The following SNORC variants were observed in gnomAD, a reference collection of about 807,000 sequenced individuals.
SNORC encodes the protein secondary ossification center associated regulator of chondrocyte maturation.
Under a neutral mutation model 9.7 loss-of-function variants are expected in SNORC, and 11 were observed. The ratio of observed to expected loss-of-function variants is 1.14; its 90% CI spans 0.72 to 1.88. The LOEUF (loss-of-function observed/expected upper bound fraction) is 1.88, where lower values mean the gene tolerates loss of function less well. Among genes scored for constraint, SNORC ranks in the 40% most tolerant of loss-of-function variants. SNORC has a pLI of 0.00. For synonymous variants in SNORC, 108 were observed against 88.7 expected (o/e 1.22, Z -1.22); for missense variants, 197 against 173.1 (o/e 1.14, Z -0.77).
At chr2:232,870,483 A>T (rs1422703186) in intron 1 of SNORC, 69 bp downstream of exon 1, 10 of 1,427,666 alleles carry the variant, frequency 7.0e-6, no homozygotes, top group Admixed American at 2.0e-5. Flanking sequence ...TTGGGGCCAG[A>T]TTCTTCAACG....
At chr2:232,871,072 C>T (rs925821853) in intron 1 of SNORC, among the ~76,000 whole-genome samples, 5 of 152,288 alleles carry the variant, frequency 3.3e-5, no homozygotes, top group Middle Eastern at 3.4e-3. Flanking sequence ...AGACAAAGGG[C>T]GCAGACGGGT....
In SNORC at chr2:232,875,952, A is replaced by G. The variant is rs1178584008; in HGVS notation, c.86A>G (p.Gln29Arg). ...CTTGGCTTTGCAGACGATGTTCCACAGGAGCCCGTGCCCACGCTGTGGAAC... is the reference window on the plus strand; with the variant it reads ...CTTGGCTTTGCAGACGATGTTCCACGGGAGCCCGTGCCCACGCTGTGGAAC... The change falls in exon 2 of 3, where the codon CAG (glutamine) becomes CGG (arginine). Residue 29 changes from glutamine (Q) to arginine (R), a missense_variant. Coordinates refer to ENST00000331342, the Ensembl canonical transcript of SNORC. The G allele has an allele frequency of 7.1e-6, 11 of 1,553,172 alleles. No homozygotes were observed. The South Asian group carries it at 1.1e-4, about 15-fold the overall frequency.
chr2:232,876,649 C>T (rs906101910), downstream of SNORC: 2 of 1,020,520 alleles, frequency 2.0e-6, no homozygotes, highest in African/African-American at 1.7e-5. The surrounding 1 kb of genome is among the most constrained non-coding windows in gnomAD (Gnocchi z 6.8). Context: ...CCGCGCGGCT[C>T]GGCGTCCCCG....
At chr2:232,873,548 T>C (rs1329152463) in intron 1 of SNORC, among the ~76,000 whole-genome samples, 1 of 152,182 alleles carries the variant, frequency 6.6e-6, no homozygotes, top group Non-Finnish European at 1.5e-5. Context: ...CTGGGCCTGG[T>C]ACCCAGAAGC....
At chr2:232,874,425 A>G (rs1319337463) in intron 1 of SNORC, among the ~76,000 whole-genome samples, 1 of 152,228 alleles carries the variant, frequency 6.6e-6, no homozygotes, top group Non-Finnish European at 1.5e-5. Flanking sequence ...CTCCGATCAC[A>G]GGCCTGTCCC....
chr2:232,870,299 C>A lies in SNORC; in HGVS notation c.-43C>A, dbSNP rs542263903. 5.2e-6 allele frequency: 8 copies of A among 1,533,336 alleles called. 1 individual carries two copies. In the South Asian group the frequency reaches 9.6e-5, roughly 18 times the overall value. 95.0% of individuals were successfully genotyped at this position (1,533,336 alleles called of 1,614,324 possible). ...CTGCCCTGAAGTTAACCAGCGCAGT[C>A]CTCCGTGCGTCCCGCCCGCCGCTGC... On this transcript the variant is annotated 5_prime_UTR_variant, in exon 1 of 3. Coordinates refer to ENST00000331342, the Ensembl canonical transcript of SNORC.
intron 1 of SNORC, among the ~76,000 whole-genome samples, chr2:232,871,470 G>A (rs577468347): frequency 6.6e-6 from 1 of 152,282 alleles, no homozygotes; most frequent in Non-Finnish European, 1.5e-5. Context: ...CACTTGCAGG[G>A]GTCTGTGAGG....
chr2:232,870,547 T>G, intron 1 of SNORC, 133 bp downstream of exon 1: 1 of 878,728 alleles, frequency 1.1e-6, no homozygotes, highest in South Asian at 1.7e-5. Context: ...TTGGGGTGAT[T>G]CTGCGAAGAG....
downstream of SNORC, chr2:232,877,069 A>G: frequency 1.0e-6 from 1 of 985,844 alleles, no homozygotes; most frequent in Non-Finnish European, 1.2e-6. Flanking sequence ...TCCTGCAGCC[A>G]GGGCCCCATC....
chr2:232,876,574 C>T (rs898513765), downstream of SNORC: 1 of 1,153,108 alleles, frequency 8.7e-7, no homozygotes, highest in Non-Finnish European at 1.1e-6. The surrounding 1 kb of genome is among the most constrained non-coding windows in gnomAD (Gnocchi z 6.8). Flanking sequence ...GGCGCCGGGG[C>T]GTGCGTGAGC....
At chr2:232,872,956 C>T (rs1327094482) in intron 1 of SNORC, among the ~76,000 whole-genome samples, 1 of 152,222 alleles carries the variant, frequency 6.6e-6, no homozygotes, top group Admixed American at 6.5e-5. Flanking sequence ...ATGTGTCTGC[C>T]ACTTGGGCAC....
chr2:232,872,690 C>T (rs747520478), intron 1 of SNORC, among the ~76,000 whole-genome samples: 1 of 152,212 alleles, frequency 6.6e-6, no homozygotes, highest in Non-Finnish European at 1.5e-5. Flanking sequence ...TGAGTTCCGT[C>T]CTCCACACCT....
downstream of SNORC, chr2:232,876,880 C>T: frequency 1.0e-6 from 1 of 985,490 alleles, no homozygotes; most frequent in Non-Finnish European, 1.2e-6. The surrounding 1 kb of genome is among the most constrained non-coding windows in gnomAD (Gnocchi z 6.8). Context: ...CCGGGGCCTG[C>T]CTCCCATCCC....
chr2:232,868,314 C>T (rs1341946129), upstream of SNORC, among the ~76,000 whole-genome samples: 1 of 152,124 alleles, frequency 6.6e-6, no homozygotes, highest in African/African-American at 2.4e-5. Flanking sequence ...TCAGGCTGGT[C>T]TTGAACTCCT....
upstream of SNORC, among the ~76,000 whole-genome samples, chr2:232,867,090 G>T (rs539566585): frequency 7.9e-5 from 12 of 152,124 alleles, no homozygotes; most frequent in East Asian, 2.3e-3. Flanking sequence ...ACAGTGCCCA[G>T]CCAAGCCTGA....
chr2:232,877,158 G>A (rs530040520), downstream of SNORC: 2,416 of 985,574 alleles, frequency 2.5e-3, 4 homozygotes, highest in Non-Finnish European at 2.8e-3. Flanking sequence ...AGTCGACGCC[G>A]GACACGGCCC....
intron 1 of SNORC, among the ~76,000 whole-genome samples, chr2:232,872,462 G>A (rs1691063079): frequency 6.6e-6 from 1 of 152,228 alleles, no homozygotes; most frequent in East Asian, 1.9e-4. Flanking sequence ...GGCCAGTGGG[G>A]CTGGGAGAGA....
intron 1 of SNORC, among the ~76,000 whole-genome samples, 165 bp downstream of exon 1, chr2:232,870,579 G>A (rs1690991370): frequency 6.6e-6 from 1 of 152,240 alleles, no homozygotes; most frequent in African/African-American, 2.4e-5. Flanking sequence ...CCGGCTGGCA[G>A]CAGCTGTGTG....
chr2:232,872,549 G>A (rs1691067432), intron 1 of SNORC, among the ~76,000 whole-genome samples: 1 of 152,196 alleles, frequency 6.6e-6, no homozygotes, highest in African/African-American at 2.4e-5. Context: ...ACACCACATG[G>A]CTAATTCTGG....
Sources: gnomAD v4.1 joint callset for allele counts (sites outside exome capture counted in the v4.1 genomes callset) on GRCh38, gnomAD v4.1.1 for gene constraint, Gnocchi (gnomAD v3.1) non-coding constraint, MANE v1.5 for transcripts, NCBI Gene and HGNC (gene_info 2026-07-23, HGNC 2026-07-21) for gene names.